The following TMTC1 variants were observed in gnomAD, a reference collection of about 807,000 sequenced individuals.
TMTC1 encodes protein O-mannosyl-transferase TMTC1.
TMTC1 carries 73 observed loss-of-function variants against 104.8 expected under a neutral mutation model. That is an observed-to-expected ratio of 0.70 (90% CI 0.58 to 0.85). TMTC1 has a LOEUF of 0.85. Ranked by LOEUF, TMTC1 falls within the 40% of genes least tolerant of loss-of-function variation. The probability of loss-of-function intolerance (pLI) is 0.00; values close to 1 mark genes in which losing one functional copy is unlikely to be tolerated. For synonymous variants in TMTC1, 434 were observed against 428.7 expected (o/e 1.01, Z -0.15); for missense variants, 1,035 against 1,096.1 (o/e 0.94, Z 0.79).
At chr12:29,562,921 C>A (rs923586074) in intron 9 of TMTC1, among the ~76,000 whole-genome samples, 4 of 152,176 alleles carry the variant, frequency 2.6e-5, no homozygotes, top group Non-Finnish European at 4.4e-5. Context: ...TCCTTCCTCA[C>A]ATGGATTTTT....
At position 29,783,452 on chromosome 12, in the gene TMTC1, G is replaced by A; in HGVS notation, c.300C>T (p.Phe100=). The A allele has an allele frequency of 1.5e-6, 2 of 1,319,892 alleles. No homozygotes were observed. The highest frequency in any genetic ancestry group is 6.2e-5 in the East Asian group (2 of 32,292). 81.8% of individuals were successfully genotyped at this position (1,319,892 alleles called of 1,614,324 possible). ...KSYRPLCVLT[F]KLNIFLTGMN... is the part of the protein sequence containing the mutation. ...CTAGCGCGAGGTGAGGGACTCACTT[G>A]AAGGTGAGGACGCAGAGCGGCCGGT... is the stretch of plus-strand genomic sequence containing the variant. Residue 100 remains phenylalanine, a splice_region_variant and synonymous_variant, in exon 1 of 18, where the codon TTC becomes TTT. Coordinates refer to ENST00000539277, the MANE Select transcript of TMTC1 (RefSeq NM_001193451.2). This position sits in a 1 kb window ranked among gnomAD's most constrained non-coding sequence, Gnocchi z 4.7.
intron 5 of TMTC1, among the ~76,000 whole-genome samples, chr12:29,700,321 C>T (rs987283603): frequency 6.6e-6 from 1 of 151,790 alleles, no homozygotes; most frequent in Admixed American, 6.6e-5. Flanking sequence ...CAAGCTCCGC[C>T]TCCCGGGTTC....
At chr12:29,523,787 T>A (rs1364854453) in intron 11 of TMTC1, among the ~76,000 whole-genome samples, 1 of 152,074 alleles carries the variant, frequency 6.6e-6, no homozygotes, top group Non-Finnish European at 1.5e-5. Flanking sequence ...GAAAGAAAAT[T>A]CGCGTCTATT....
At chr12:29,703,089 A>G (rs1941644321) in intron 5 of TMTC1, among the ~76,000 whole-genome samples, 1 of 151,526 alleles carries the variant, frequency 6.6e-6, no homozygotes, top group Non-Finnish European at 1.5e-5. Context: ...GGTTGCAGTG[A>G]GCCAAGATTG....
chr12:29,728,177 C>A lies in TMTC1; in HGVS notation c.938+23489G>T, dbSNP rs150081979. ...CCGTTGTTAAAGCCAGCACCCTAAT[C>A]CTCTGTGACAGGGAGTGAGGATCCA... On this transcript the variant is annotated intron_variant, in intron 5 of 17. Coordinates refer to ENST00000539277, the MANE Select transcript of TMTC1 (RefSeq NM_001193451.2). 1.5e-3 allele frequency among the ~76,000 whole-genome samples: 231 copies of A among 152,298 alleles called. 1 individual carries two copies. Among genetic ancestry groups the A allele is most frequent in the African/African-American group, 5.1e-3 (214 of 41,564 alleles).
intron 7 of TMTC1, 113 bp from the exon 8 acceptor site, chr12:29,583,687 C>T (rs1357765983): frequency 1.1e-6 from 1 of 916,504 alleles, no homozygotes; most frequent in Non-Finnish European, 1.6e-6. Flanking sequence ...GCTAGAGAAA[C>T]AAATAGAAAC....
At chr12:29,746,346 GTTA>G (rs1434622912) in intron 5 of TMTC1, among the ~76,000 whole-genome samples, 3 of 152,130 alleles carry the variant, frequency 2.0e-5, no homozygotes, top group African/African-American at 7.2e-5. Flanking sequence ...AGAGAACCCA[GTTA>G]TTATTCATCA....
At chr12:29,690,585 T>G (rs968808378) in intron 5 of TMTC1, among the ~76,000 whole-genome samples, 24 of 152,192 alleles carry the variant, frequency 1.6e-4, no homozygotes, top group African/African-American at 5.8e-4. Context: ...TCAAAAGATC[T>G]AACACTCATT....
intron 5 of TMTC1, among the ~76,000 whole-genome samples, chr12:29,737,896 C>T: frequency 6.6e-6 from 1 of 152,184 alleles, no homozygotes; most frequent in East Asian, 1.9e-4. Context: ...CAGGGACTCC[C>T]TTTTCCTTTC....
intron 2 of TMTC1, among the ~76,000 whole-genome samples, chr12:29,759,264 G>T (rs1403777048): frequency 6.6e-6 from 1 of 152,198 alleles, no homozygotes; most frequent in Admixed American, 6.5e-5. Flanking sequence ...GGAAGGCCGA[G>T]GCTGGCGGAA....
chr12:29,695,463 C>T (rs2136773371), intron 5 of TMTC1, among the ~76,000 whole-genome samples: 1 of 152,120 alleles, frequency 6.6e-6, no homozygotes, highest in Non-Finnish European at 1.5e-5. Flanking sequence ...CACGCCACCA[C>T]ATCCAGTTAA....
intron 5 of TMTC1, among the ~76,000 whole-genome samples, chr12:29,696,321 T>C (rs1000048939): frequency 2.0e-5 from 3 of 152,118 alleles, no homozygotes; most frequent in Non-Finnish European, 4.4e-5. Flanking sequence ...AAAAGAATAA[T>C]GTATTATTAA....
At position 29,728,203 on chromosome 12, in the gene TMTC1, T is replaced by C. The variant is rs535665208; in HGVS notation, c.938+23463A>G. On this transcript the variant is annotated intron_variant, in intron 5 of 17. Coordinates refer to ENST00000539277, the MANE Select transcript of TMTC1 (RefSeq NM_001193451.2). Reference sequence around the variant, plus strand: ...CTCTGTGACAGGGAGTGAGGATCCATGGGGCAGAAGGGAGCGGAGCCAGAT... The same window carrying C: ...CTCTGTGACAGGGAGTGAGGATCCACGGGGCAGAAGGGAGCGGAGCCAGAT... 2.2e-4 allele frequency among the ~76,000 whole-genome samples: 33 copies of C among 152,194 alleles called. 2 individuals are homozygous for C. The highest frequency in any genetic ancestry group is 1.7e-3 in the South Asian group (8 of 4,818).
At chr12:29,784,667 G>GC (rs1276503884), upstream of TMTC1, 1 of 152,246 alleles carries the variant, frequency 6.6e-6, no homozygotes, top group Admixed American at 6.5e-5. Context: ...TTTGGTTTGG[G>GC]CCTGGGAGCC....
At position 29,556,889 on chromosome 12, in the gene TMTC1, G is replaced by C; in HGVS notation, c.1644C>G (p.Asn548Lys). The C allele has an allele frequency of 6.2e-7, 1 of 1,614,124 alleles. No individual in the cohort carries two copies. The highest frequency in any genetic ancestry group is 8.5e-7 in the Non-Finnish European group (1 of 1,180,004). Residue 548 changes from asparagine (N) to lysine (K), a missense_variant, in exon 10 of 18, where the codon AAC (asparagine) becomes AAG (lysine). Physicochemically the swap from Asn to Lys is moderately conservative, Grantham distance 94. Transcript: ENST00000539277. ...GATTCCCCAGATTGAAAAGAGCCCG[G>C]TTATGCTGTGGATGGAGCTGGAGAG... ...QRALQLHPQH[N>K]RALFNLGNLL...
At position 29,502,061 on chromosome 12, in the gene TMTC1, C is replaced by T. The variant is rs187612153; in HGVS notation, c.*4785G>A. 5.3e-5 allele frequency: 8 copies of T among 152,100 alleles called. No individual in the cohort carries two copies. In the East Asian group the frequency reaches 1.2e-3, roughly 22 times the overall value. The allele number at this position is 152,100 out of a possible 1,614,324, so 9.4% of individuals were successfully genotyped here. On this transcript the variant is annotated 3_prime_UTR_variant, in exon 18 of 18. Coordinates refer to ENST00000539277, the MANE Select transcript of TMTC1 (RefSeq NM_001193451.2). ...AATATTTCTCTATATTATTTTTTGACATCCTAAGCTTTTATCTTATTCAAC... is the reference window on the plus strand; with the variant it reads ...AATATTTCTCTATATTATTTTTTGATATCCTAAGCTTTTATCTTATTCAAC...
chr12:29,604,144 G>C (rs564705581), intron 7 of TMTC1, 34 bp downstream of exon 7: 1 of 1,610,926 alleles, frequency 6.2e-7, no homozygotes, highest in Non-Finnish European at 8.5e-7. Context: ...ACAGAGGGCA[G>C]GTCTTGTAGG....
At chr12:29,727,096 A>G (rs1942413004) in intron 5 of TMTC1, among the ~76,000 whole-genome samples, 1 of 152,248 alleles carries the variant, frequency 6.6e-6, no homozygotes, top group African/African-American at 2.4e-5. Context: ...CATAAAAACC[A>G]TAACACACAA....
chr12:29,520,579 C>G (rs1219923460), intron 12 of TMTC1, 39 bp downstream of exon 12: 1 of 1,500,842 alleles, frequency 6.7e-7, no homozygotes, highest in East Asian at 2.3e-5. Flanking sequence ...ATTGTATTAG[C>G]TAATCTCAGC....
Sources: allele counts gnomAD v4.1 joint callset (sites outside exome capture counted in the v4.1 genomes callset), GRCh38; gene constraint gnomAD v4.1.1; non-coding constraint Gnocchi (gnomAD v3.1); transcripts MANE v1.5; gene names NCBI Gene and HGNC (gene_info 2026-07-23, HGNC 2026-07-21).